The following CPE variants were observed in gnomAD, a reference collection of about 807,000 sequenced individuals.
CPE encodes the protein carboxypeptidase E, also known as carbocypeptidase E.
A neutral mutation model predicts 53.5 loss-of-function variants in CPE; 17 were observed. The ratio of observed to expected loss-of-function variants is 0.32; its 90% CI spans 0.22 to 0.48. CPE has a LOEUF of 0.48. Among genes scored for constraint, CPE ranks in the 20% least tolerant of loss-of-function variants. The pLI, the probability that CPE is intolerant of heterozygous loss-of-function variation, is 0.99. For synonymous variants in CPE, 226 were observed against 228.8 expected (o/e 0.99, Z 0.11); for missense variants, 524 against 614.7 (o/e 0.85, Z 1.56).
At chr4:165,487,289 A>G (rs1266156096) in intron 5 of CPE, 149 bp from the exon 6 acceptor site, 13 of 1,001,332 alleles carry the variant, frequency 1.3e-5, no homozygotes, top group Non-Finnish European at 1.8e-5. Context: ...AATCCCTTAC[A>G]GCAGATGATT....
intron 2 of CPE, among the ~76,000 whole-genome samples, chr4:165,466,869 G>T (rs1732114571): frequency 6.6e-6 from 1 of 152,068 alleles, no homozygotes; most frequent in Admixed American, 6.6e-5. Context: ...AAACCTTTTG[G>T]ACTCTTTGTA....
At chr4:165,453,248 T>G (rs916687634) in intron 1 of CPE, among the ~76,000 whole-genome samples, 2 of 151,724 alleles carry the variant, frequency 1.3e-5, no homozygotes, top group African/African-American at 4.8e-5. Flanking sequence ...TGAGCCACCA[T>G]GCCTGGCCAA....
At chr4:165,414,931 TAA>T (rs960283236) in intron 1 of CPE, among the ~76,000 whole-genome samples, 1 of 145,074 alleles carries the variant, frequency 6.9e-6, no homozygotes. Flanking sequence ...AGCCATTATT[TAA>T]AAAAAAAAAC....
intron 1 of CPE, among the ~76,000 whole-genome samples, chr4:165,423,024 G>A (rs1303824817): frequency 1.3e-5 from 2 of 150,386 alleles, no homozygotes; most frequent in Admixed American, 6.6e-5. Flanking sequence ...GTCCAGAATG[G>A]AGGGACAACT....
At chr4:165,444,419 T>C (rs1731666200) in intron 1 of CPE, among the ~76,000 whole-genome samples, 1 of 151,872 alleles carries the variant, frequency 6.6e-6, no homozygotes, top group African/African-American at 2.4e-5. Context: ...CCTAACACTT[T>C]GGGAGGCCAA....
intron 6 of CPE, among the ~76,000 whole-genome samples, chr4:165,491,937 C>T (rs2126716927): frequency 6.6e-6 from 1 of 152,196 alleles, no homozygotes; most frequent in African/African-American, 2.4e-5. Flanking sequence ...GAGGCACAAC[C>T]TGAGCATTTG....
chr4:165,379,864 C>G lies in CPE; in HGVS notation c.307+336C>G, dbSNP rs573664116. Among the ~76,000 whole-genome samples, 6 of 151,120 alleles carry G rather than the reference C, an allele frequency of 4.0e-5. No individual in the cohort carries two copies. In the South Asian group the frequency reaches 1.0e-3, roughly 26 times the overall value. On this transcript the variant is annotated intron_variant, in intron 1 of 8. Transcript: ENST00000402744. This position sits in a 1 kb window ranked among gnomAD's most constrained non-coding sequence, Gnocchi z 6.0. ...GCAATACAGAAAAAACAAATCCTGA[C>G]GCACGCAACCCCAGCGGTCGCTCTC... is the stretch of plus-strand genomic sequence containing the variant.
At chr4:165,490,916 C>T (rs1474441856) in intron 6 of CPE, among the ~76,000 whole-genome samples, 4 of 152,264 alleles carry the variant, frequency 2.6e-5, no homozygotes, top group East Asian at 1.9e-4. Flanking sequence ...TTGCAGGCAC[C>T]GCAAGTGTAG....
intron 1 of CPE, among the ~76,000 whole-genome samples, chr4:165,449,142 CATT>C (rs1177781644): frequency 2.0e-5 from 3 of 152,110 alleles, no homozygotes; most frequent in African/African-American, 4.8e-5. Context: ...ACATGAAGGC[CATT>C]ATTATGATTA....
In CPE at chr4:165,410,875, C is replaced by A. The variant is rs1731031384; in HGVS notation, c.307+31347C>A. ...GTGTGCACTTGCACTTTGGGGTTCC[C>A]TTTCTATGGATGTTTCAGGATCTGA... On this transcript the variant is annotated intron_variant, in intron 1 of 8. Coordinates refer to ENST00000402744, the MANE Select transcript of CPE (RefSeq NM_001873.4). Among the ~76,000 whole-genome samples, 4 of 151,774 alleles carry A rather than the reference C, an allele frequency of 2.6e-5. No individual in the cohort carries two copies. The South Asian group carries it at 8.3e-4, about 32-fold the overall frequency.
At chr4:165,468,694 C>T (rs924515579) in intron 3 of CPE, among the ~76,000 whole-genome samples, 7 of 152,176 alleles carry the variant, frequency 4.6e-5, no homozygotes, top group African/African-American at 9.7e-5. Flanking sequence ...GAGATCCCCA[C>T]GGTCTCCTGC....
At chr4:165,404,948 T>A in intron 1 of CPE, 1 of 759,028 alleles carries the variant, frequency 1.3e-6, no homozygotes, top group Non-Finnish European at 2.5e-6. Flanking sequence ...AGCAAAGACG[T>A]AGTGATCTGG....
chr4:165,474,679 T>G (rs2126706821), intron 3 of CPE, among the ~76,000 whole-genome samples: 1 of 152,356 alleles, frequency 6.6e-6, no homozygotes, highest in South Asian at 2.1e-4. Context: ...TAACCGTTCT[T>G]ACTGTATACC....
chr4:165,411,619 A>G (rs1390133460), intron 1 of CPE, among the ~76,000 whole-genome samples: 2 of 152,198 alleles, frequency 1.3e-5, no homozygotes, highest in African/African-American at 4.8e-5. Flanking sequence ...CTAATTTGTC[A>G]TAGCTCACAT....
At chr4:165,405,865 A>G (rs903344007) in intron 1 of CPE, 5 of 741,726 alleles carry the variant, frequency 6.7e-6, no homozygotes, top group Non-Finnish European at 1.3e-5. Flanking sequence ...AGCACCGAAT[A>G]CTGTTTTTCT....
At position 165,387,560 on chromosome 4, in the gene CPE, T is replaced by C. The variant is rs183869503; in HGVS notation, c.307+8032T>C. On this transcript the variant is annotated intron_variant, in intron 1 of 8. Transcript: ENST00000402744. ...GCGTGGTGTCTCACACCTGTAATCC[T>C]AGCACTTTGGGAGGCCAAGGCGGGT... Among the ~76,000 whole-genome samples the C allele has an allele frequency of 2.7e-3, 402 of 151,420 alleles. 3 individuals are homozygous for C. Among genetic ancestry groups the C allele is most frequent in the African/African-American group, 8.7e-3 (358 of 41,378 alleles).
At position 165,416,453 on chromosome 4, in the gene CPE, G is replaced by A. The variant is rs184945391; in HGVS notation, c.307+36925G>A. Among the ~76,000 whole-genome samples the A allele has an allele frequency of 7.9e-5, 12 of 152,172 alleles. No homozygotes were observed. The East Asian group carries it at 2.3e-3, about 30-fold the overall frequency. ...GTAGTGTAGCTCATGGCAGGCTGAG[G>A]CACTTACACAAAAGGGTGCTGGAGG... On this transcript the variant is annotated intron_variant, in intron 1 of 8. Transcript: ENST00000402744.
chr4:165,434,281 C>T (rs1416022470), intron 1 of CPE, among the ~76,000 whole-genome samples: 2 of 152,088 alleles, frequency 1.3e-5, no homozygotes, highest in African/African-American at 4.8e-5. Context: ...ATAGTGGGCA[C>T]TTAGCAAATA....
chr4:165,390,896 A>G (rs1369649905), intron 1 of CPE, among the ~76,000 whole-genome samples: 1 of 152,156 alleles, frequency 6.6e-6, no homozygotes. Context: ...GGAAACATGA[A>G]CTATGTGATA....
Sources: gnomAD v4.1 joint callset for allele counts (sites outside exome capture counted in the v4.1 genomes callset) on GRCh38, gnomAD v4.1.1 for gene constraint, Gnocchi (gnomAD v3.1) non-coding constraint, MANE v1.5 for transcripts, NCBI Gene and HGNC (gene_info 2026-07-23, HGNC 2026-07-21) for gene names.